SYNE1: variants seen among roughly 807,000 people sequenced by gnomAD.
SYNE1 encodes spectrin repeat containing nuclear envelope protein 1, also known as nesprin-1.
A neutral mutation model predicts 1,111.0 loss-of-function variants in SYNE1; 616 were observed. The ratio of observed to expected loss-of-function variants is 0.55; its 90% CI spans 0.52 to 0.59. The LOEUF is 0.59. SYNE1 is among the 20% of genes least tolerant of loss of function. The probability of loss-of-function intolerance (pLI) is 0.00; values close to 1 mark genes in which losing one functional copy is unlikely to be tolerated. For missense variants in SYNE1, 10,006 were observed against 10,417.0 expected, an observed-to-expected ratio of 0.96 and a Z score of 1.72; for synonymous variants, 3,855 against 3,825.8, an observed-to-expected ratio of 1.01 and a Z score of -0.28.
At chr6:152,442,559 T>C (rs950086434) in intron 30 of SYNE1, among the ~76,000 whole-genome samples, 3 of 152,230 alleles carry the variant, frequency 2.0e-5, no homozygotes, top group Non-Finnish European at 2.9e-5. Flanking sequence ...TCTGACATGA[T>C]TCTTCTTAAA....
At chr6:152,436,232 C>A in intron 32 of SYNE1, 131 bp from the exon 33 acceptor site, 10 of 930,714 alleles carry the variant, frequency 1.1e-5, no homozygotes, top group Non-Finnish European at 1.4e-5. Context: ...ATGGATCTTA[C>A]ATTGTTCTTA....
At chr6:152,389,728 T>TGTTG (rs2097578708) in intron 53 of SYNE1, among the ~76,000 whole-genome samples, 1 of 152,198 alleles carries the variant, frequency 6.6e-6, no homozygotes, top group Admixed American at 6.5e-5. Flanking sequence ...ATGGACTGAC[T>TGTTG]CTTGGTTGTG....
intron 51 of SYNE1, among the ~76,000 whole-genome samples, chr6:152,395,237 A>G (rs1253665861): frequency 6.6e-6 from 1 of 152,212 alleles, no homozygotes; most frequent in African/African-American, 2.4e-5. Flanking sequence ...GGCTAAAATC[A>G]AGAGCAACAG....
chr6:152,548,443 C>T (rs760557316), intron 3 of SYNE1, among the ~76,000 whole-genome samples: 4 of 152,210 alleles, frequency 2.6e-5, no homozygotes, highest in Non-Finnish European at 5.9e-5. Flanking sequence ...AATTCTCTCA[C>T]TCCTTGGACA....
At chr6:152,529,079 A>C (rs950428084) in intron 4 of SYNE1, among the ~76,000 whole-genome samples, 45 of 152,262 alleles carry the variant, frequency 3.0e-4, no homozygotes, top group African/African-American at 9.4e-4. Context: ...AGCAGGTAGG[A>C]GTCCACAGAA....
At chr6:152,292,259 C>T (rs915159182) in intron 95 of SYNE1, among the ~76,000 whole-genome samples, 5 of 152,128 alleles carry the variant, frequency 3.3e-5, no homozygotes, top group African/African-American at 1.2e-4. Flanking sequence ...TGGAATAGTC[C>T]CCCAAGCCCC....
chr6:152,245,603 T>G (rs2086905087), intron 105 of SYNE1, among the ~76,000 whole-genome samples: 1 of 152,160 alleles, frequency 6.6e-6, no homozygotes, highest in Non-Finnish European at 1.5e-5. Flanking sequence ...AAGAAAACAA[T>G]GCCAACAATA....
At chr6:152,404,459 T>C (rs2097864782) in intron 45 of SYNE1, 145 bp from the exon 46 acceptor site, 5 of 651,280 alleles carry the variant, frequency 7.7e-6, no homozygotes, top group Non-Finnish European at 1.4e-5. Context: ...TTCTGAGGGC[T>C]GTTATGATGT....
chr6:152,445,390 T>A (rs1476253419), intron 29 of SYNE1, among the ~76,000 whole-genome samples: 3 of 152,134 alleles, frequency 2.0e-5, no homozygotes, highest in African/African-American at 7.2e-5. Flanking sequence ...CCCTAAATTT[T>A]GAATTTTCTT....
intron 64 of SYNE1, 128 bp downstream of exon 64, chr6:152,362,042 C>T (rs1591081915): frequency 1.5e-6 from 2 of 1,300,780 alleles, no homozygotes; most frequent in South Asian, 1.3e-5. Flanking sequence ...AGAGATTATA[C>T]TAAAAGCCCC....
chr6:152,336,478 A>C, intron 76 of SYNE1: 5 of 298,136 alleles, frequency 1.7e-5, no homozygotes, highest in Non-Finnish European at 3.3e-5. Flanking sequence ...AAGCTGTTCC[A>C]CCTCAAATCA....
chr6:152,457,897 A>T lies in SYNE1; in HGVS notation c.2568+860T>A, dbSNP rs148947697. Among the ~76,000 whole-genome samples, 1,299 of 151,268 alleles carry T rather than the reference A, an allele frequency of 8.6e-3. 18 individuals are homozygous for T. The highest frequency in any genetic ancestry group is 0.03 in the African/African-American group (1,228 of 41,402). ...TGATTCTCCAAAAGAAAGTCAATAT[A>T]AGAAGGAAAATATTATATCTGTATA... On this transcript the variant is annotated intron_variant, in intron 22 of 145. Coordinates refer to ENST00000367255, the MANE Select transcript of SYNE1 (RefSeq NM_182961.4).
At chr6:152,224,409 T>C (rs1042459475) in intron 117 of SYNE1, 85 bp downstream of exon 117, 12 of 1,189,334 alleles carry the variant, frequency 1.0e-5, no homozygotes, top group South Asian at 8.8e-5. Context: ...TATGGCAATA[T>C]TTCAGGATGA....
intron 16 of SYNE1, among the ~76,000 whole-genome samples, chr6:152,469,780 G>A (rs892325014): frequency 6.6e-6 from 1 of 152,088 alleles, no homozygotes; most frequent in Non-Finnish European, 1.5e-5. Flanking sequence ...ACCACCTGGA[G>A]CGTGTGCCGC....
chr6:152,561,550 T>G (rs1203151698), intron 3 of SYNE1, among the ~76,000 whole-genome samples: 1 of 152,106 alleles, frequency 6.6e-6, no homozygotes, highest in Non-Finnish European at 1.5e-5. Context: ...TCCAACGGCA[T>G]TTTTAATAGA....
chr6:152,630,548 G>C (rs1017458610), intron 2 of SYNE1, among the ~76,000 whole-genome samples: 4 of 152,186 alleles, frequency 2.6e-5, no homozygotes, highest in Admixed American at 2.6e-4. Context: ...AATAGATAGT[G>C]AAAAGTGCCT....
intron 3 of SYNE1, among the ~76,000 whole-genome samples, chr6:152,600,477 A>G (rs2099593560): frequency 1.3e-5 from 2 of 152,190 alleles, no homozygotes; most frequent in Non-Finnish European, 2.9e-5. Context: ...TGTCTTACAT[A>G]GAAACTTAAG....
At chr6:152,258,594 G>A (rs2091377058) in intron 101 of SYNE1, among the ~76,000 whole-genome samples, 1 of 151,992 alleles carries the variant, frequency 6.6e-6, no homozygotes, top group South Asian at 2.1e-4. Flanking sequence ...AAGACTCCTA[G>A]ACTGATCTCT....
intron 34 of SYNE1, among the ~76,000 whole-genome samples, chr6:152,431,701 T>A (rs1033936714): frequency 1.3e-5 from 2 of 152,160 alleles, no homozygotes; most frequent in African/African-American, 2.4e-5. Flanking sequence ...AAATAAAGTT[T>A]TGACTTCTGT....
Sources: allele counts gnomAD v4.1 joint callset (sites outside exome capture counted in the v4.1 genomes callset), GRCh38; gene constraint gnomAD v4.1.1; transcripts MANE v1.5; gene names NCBI Gene and HGNC (gene_info 2026-07-23, HGNC 2026-07-21).